ARHGAP8: variants seen among roughly 807,000 people sequenced by gnomAD.
The protein encoded by ARHGAP8 is rho GTPase-activating protein 8.
ARHGAP8 carries 62 observed loss-of-function variants against 46.1 expected under a neutral mutation model. The observed-to-expected ratio is 1.34, with a 90% confidence interval of 1.10 to 1.66. The LOEUF (loss-of-function observed/expected upper bound fraction) is 1.66, where lower values mean the gene tolerates loss of function less well. Among genes scored for constraint, ARHGAP8 ranks in the 40% most tolerant of loss-of-function variants. ARHGAP8 has a pLI of 0.00. For missense variants in ARHGAP8, 923 were observed against 568.4 expected, an observed-to-expected ratio of 1.62 and a Z score of -6.34; for synonymous variants, 375 against 243.1, an observed-to-expected ratio of 1.54 and a Z score of -5.05.
Position 44,848,014 on chromosome 22 carries a change from C to G in ARHGAP8, c.712C>G (p.Gln238Glu). The G allele has an allele frequency of 6.2e-7, 1 of 1,608,154 alleles. No homozygotes were observed. The change falls in exon 9 of 12, where the codon CAG (glutamine) becomes GAG (glutamate). Residue 238 changes from glutamine (Q) to glutamate (E), a missense_variant. Gln to Glu is a conservative substitution (Grantham distance 29). Coordinates refer to ENST00000356099, the MANE Select transcript of ARHGAP8 (RefSeq NM_181335.3). ...CCTGTTCCGGAGATCCGCCAGCGTGCAGACCGTCCGCGAGATCCAGAGGCT... is the reference window on the plus strand; with the variant it reads ...CCTGTTCCGGAGATCCGCCAGCGTGGAGACCGTCCGCGAGATCCAGAGGCT... Reference protein sequence around the residue: ...EGLFRRSASVQTVREIQRLYN... With the variant: ...EGLFRRSASVETVREIQRLYN...
intron 5 of ARHGAP8, among the ~76,000 whole-genome samples, chr22:44,816,673 C>T (rs1929764258): frequency 1.3e-5 from 2 of 152,138 alleles, no homozygotes; most frequent in African/African-American, 2.4e-5. Context: ...GGATGTGTAG[C>T]ATGCGCCTGT....
At chr22:44,795,104 C>T (rs1927987783) in intron 2 of ARHGAP8, among the ~76,000 whole-genome samples, 1 of 151,988 alleles carries the variant, frequency 6.6e-6, no homozygotes, top group Non-Finnish European at 1.5e-5. Context: ...ATTAGTTGCC[C>T]TTCTGGTTTG....
intron 1 of ARHGAP8, among the ~76,000 whole-genome samples, chr22:44,761,327 A>G (rs1925117919): frequency 6.6e-6 from 1 of 152,236 alleles, no homozygotes; most frequent in African/African-American, 2.4e-5. Context: ...TGTGGATTCA[A>G]CCAACCGCGG....
chr22:44,842,241 C>T (rs1253644346), intron 7 of ARHGAP8, among the ~76,000 whole-genome samples: 1 of 152,188 alleles, frequency 6.6e-6, no homozygotes, highest in African/African-American at 2.4e-5. Context: ...CCTGTAGTCC[C>T]AGCTACTCGG....
At chr22:44,772,216 G>A (rs375320198) in intron 1 of ARHGAP8, among the ~76,000 whole-genome samples, 1 of 10,116 alleles carries the variant, frequency 9.9e-5, no homozygotes, top group Admixed American at 1.1e-3. Flanking sequence ...TTTTACTACT[G>A]TTTTGCCTTT....
intron 7 of ARHGAP8, among the ~76,000 whole-genome samples, chr22:44,839,319 C>G (rs550281677): frequency 1.1e-4 from 16 of 152,300 alleles, no homozygotes; most frequent in African/African-American, 3.1e-4. Flanking sequence ...TGCTCAGTGT[C>G]CCCAACGTGA....
chr22:44,862,066 A>C (rs1210573831), intron 11 of ARHGAP8, among the ~76,000 whole-genome samples: 2 of 152,206 alleles, frequency 1.3e-5, no homozygotes, highest in Admixed American at 1.3e-4. Flanking sequence ...GTCCTCCAGG[A>C]CATGGAGGCC....
chr22:44,807,023 C>T (rs1412722142), intron 3 of ARHGAP8, among the ~76,000 whole-genome samples: 2 of 152,186 alleles, frequency 1.3e-5, no homozygotes, highest in South Asian at 2.1e-4. Flanking sequence ...TCCAGGCTTC[C>T]GGGCAGTGCG....
At chr22:44,858,775 GA>G (rs1238976928) in intron 10 of ARHGAP8, among the ~76,000 whole-genome samples, 7 of 149,974 alleles carry the variant, frequency 4.7e-5, no homozygotes, top group African/African-American at 1.7e-4. Context: ...CAGGCCCCTG[GA>G]GGGTGGGACA....
chr22:44,859,396 CTCCT>C (rs575328452), intron 10 of ARHGAP8, among the ~76,000 whole-genome samples: 253 of 152,306 alleles, frequency 1.7e-3, no homozygotes, highest in Non-Finnish European at 2.7e-3. Flanking sequence ...CGTGATGCAC[CTCCT>C]TCCTTTTTGC....
At chr22:44,859,858 G>A (rs187673347) in intron 11 of ARHGAP8, 24 bp downstream of exon 11, 3 of 1,609,872 alleles carry the variant, frequency 1.9e-6, no homozygotes, top group Admixed American at 3.3e-5. Context: ...GGGGGAGCTT[G>A]GGGTGAAGCC....
At chr22:44,852,432 G>C (rs2070120480) in intron 10 of ARHGAP8, among the ~76,000 whole-genome samples, 1 of 152,106 alleles carries the variant, frequency 6.6e-6, no homozygotes, top group African/African-American at 2.4e-5. Flanking sequence ...GTCAGAGAGA[G>C]CCCTTCCCAC....
intron 1 of ARHGAP8, among the ~76,000 whole-genome samples, chr22:44,757,309 C>T (rs1227749867): frequency 1.3e-5 from 2 of 151,074 alleles, no homozygotes; most frequent in African/African-American, 4.9e-5. Flanking sequence ...CAGAGTTTCG[C>T]TCTTGTTGCC....
intron 4 of ARHGAP8, among the ~76,000 whole-genome samples, chr22:44,812,689 C>A (rs1041340568): frequency 6.6e-6 from 1 of 152,076 alleles, no homozygotes; most frequent in African/African-American, 2.4e-5. Context: ...ATTAACATTT[C>A]TTGGAGAGAT....
rs1926510561 is a variant in ARHGAP8 at position 44,777,513 on chromosome 22, G to A, written c.-71-8944G>A. On this transcript the variant is annotated intron_variant, in intron 1 of 11. Coordinates refer to ENST00000356099, the MANE Select transcript of ARHGAP8 (RefSeq NM_181335.3). Reference sequence around the variant, plus strand: ...TCTTGGCAGAAATTCAAAGACTTTCGCCCCTGAGCAGGGTCACTCTGTTGG... The same window carrying A: ...TCTTGGCAGAAATTCAAAGACTTTCACCCCTGAGCAGGGTCACTCTGTTGG... Among the ~76,000 whole-genome samples, 3 of 151,740 alleles carry A rather than the reference G, an allele frequency of 2.0e-5. No individual in the cohort carries two copies. In the South Asian group the frequency reaches 6.2e-4, roughly 32 times the overall value.
intron 8 of ARHGAP8, among the ~76,000 whole-genome samples, chr22:44,847,696 G>A (rs567782573): frequency 6.6e-6 from 1 of 152,314 alleles, no homozygotes; most frequent in East Asian, 1.9e-4. Context: ...GCTCAGAGAG[G>A]CCGAGAGCTT....
chr22:44,762,830 C>T (rs1447121064), intron 1 of ARHGAP8, among the ~76,000 whole-genome samples: 1 of 152,064 alleles, frequency 6.6e-6, no homozygotes, highest in African/African-American at 2.4e-5. Flanking sequence ...AGGCATGAGC[C>T]ACCGTTCCCA....
At chr22:44,815,717 A>C (rs1210120060) in intron 5 of ARHGAP8, among the ~76,000 whole-genome samples, 3 of 152,120 alleles carry the variant, frequency 2.0e-5, no homozygotes, top group Non-Finnish European at 2.9e-5. Flanking sequence ...TTTCTGCCTC[A>C]GTATTGGGAA....
chr22:44,808,144 G>A (rs1198865840), intron 3 of ARHGAP8, among the ~76,000 whole-genome samples, 163 bp from the exon 4 acceptor site: 5 of 152,240 alleles, frequency 3.3e-5, no homozygotes, highest in Non-Finnish European at 7.3e-5. Context: ...AGCCTCAGAT[G>A]TCATCTGGGA....
Sources: gnomAD v4.1 joint callset for allele counts (sites outside exome capture counted in the v4.1 genomes callset) on GRCh38, gnomAD v4.1.1 for gene constraint, MANE v1.5 for transcripts, NCBI Gene and HGNC (gene_info 2026-07-23, HGNC 2026-07-21) for gene names.